The following RBFOX1 variants were observed in gnomAD, a reference collection of about 807,000 sequenced individuals.
The protein encoded by RBFOX1 is RNA binding protein fox-1 homolog 1.
In RBFOX1, 8 loss-of-function variants were observed where a neutral mutation model predicts 57.7. That is an observed-to-expected ratio of 0.14 (90% confidence interval 0.08 to 0.25). RBFOX1 has a LOEUF of 0.25. RBFOX1 is among the 10% of genes least tolerant of loss of function. The pLI is 1.00. For missense variants in RBFOX1, 611 were observed against 548.5 expected (o/e 1.11, Z -1.14); for synonymous variants, 326 against 222.4 (o/e 1.47, Z -4.15).
At chr16:7,158,075 G>A (rs986605115) in intron 4 of RBFOX1, among the ~76,000 whole-genome samples, 12 of 152,130 alleles carry the variant, frequency 7.9e-5, no homozygotes, top group South Asian at 2.1e-4. Flanking sequence ...TTGGCTGGGC[G>A]CGGTAGCTCA....
At chr16:7,251,623 T>A (rs1303462472) in intron 4 of RBFOX1, among the ~76,000 whole-genome samples, 1 of 152,134 alleles carries the variant, frequency 6.6e-6, no homozygotes, top group African/African-American at 2.4e-5. Flanking sequence ...TTTCACCATG[T>A]TGGCTTGCCT....
intron 4 of RBFOX1, among the ~76,000 whole-genome samples, chr16:5,918,144 G>C (rs1029013883): frequency 6.6e-6 from 1 of 152,020 alleles, no homozygotes; most frequent in African/African-American, 2.4e-5. Flanking sequence ...TTTTGAGACA[G>C]AGTCTTGTTT....
chr16:7,207,764 T>C (rs1247346114), intron 4 of RBFOX1, among the ~76,000 whole-genome samples: 1 of 152,162 alleles, frequency 6.6e-6, no homozygotes, highest in African/African-American at 2.4e-5. Context: ...AATTTGCCTG[T>C]TGCACCCAGT....
intron 1 of RBFOX1, among the ~76,000 whole-genome samples, chr16:6,115,639 C>T (rs2096489579): frequency 6.6e-6 from 1 of 152,108 alleles, no homozygotes; most frequent in African/African-American, 2.4e-5. Context: ...AGCTAGTGGT[C>T]AGCAAACTTT....
At chr16:7,410,995 G>C (rs1053690969) in intron 4 of RBFOX1, among the ~76,000 whole-genome samples, 2 of 152,014 alleles carry the variant, frequency 1.3e-5, no homozygotes, top group Admixed American at 6.6e-5. Context: ...ACCCAGGTTG[G>C]AGTACAGTGG....
chr16:6,089,891 A>G (rs1322942873), intron 1 of RBFOX1, among the ~76,000 whole-genome samples: 1 of 152,238 alleles, frequency 6.6e-6, no homozygotes, highest in Non-Finnish European at 1.5e-5. Context: ...TTAGTTTCCC[A>G]TGGCTGCTGT....
At chr16:5,819,623 C>T (rs576695231) in intron 3 of RBFOX1, among the ~76,000 whole-genome samples, 9 of 152,202 alleles carry the variant, frequency 5.9e-5, no homozygotes, top group Non-Finnish European at 8.8e-5. Flanking sequence ...GTTGTACTGA[C>T]GCTGGACTAC....
rs770451754 is a variant in RBFOX1, at chr16:6,788,453, T to A, written c.-16+133803T>A. On this transcript the variant is annotated intron_variant, in intron 3 of 15. Coordinates refer to ENST00000550418, the MANE Select transcript of RBFOX1 (RefSeq NM_018723.4). ...ACACAGGTGCTGCACTGATTTTTTT[T>A]TTATTATTATTTATTTATTTTTTAT... 1.9e-4 allele frequency among the ~76,000 whole-genome samples: 29 copies of A among 151,754 alleles called. 1 individual carries two copies. The highest frequency in any genetic ancestry group is 4.2e-4 in the South Asian group (2 of 4,802).
At chr16:7,680,239 G>T (rs1315773271) in intron 14 of RBFOX1, among the ~76,000 whole-genome samples, 1 of 152,176 alleles carries the variant, frequency 6.6e-6, no homozygotes, top group Non-Finnish European at 1.5e-5. Context: ...TGACTTGGTT[G>T]TTGTTGCATC....
At chr16:5,407,818 G>A (rs1370187664) in intron 1 of RBFOX1, among the ~76,000 whole-genome samples, 1 of 152,160 alleles carries the variant, frequency 6.6e-6, no homozygotes, top group African/African-American at 2.4e-5. Flanking sequence ...CAAAGTGCTG[G>A]GATTACAGGC....
In RBFOX1 at chr16:6,852,843, G is replaced by A. The variant is rs578076103; in HGVS notation, c.-16+198193G>A. 2.6e-5 allele frequency among the ~76,000 whole-genome samples: 4 copies of A among 151,532 alleles called. No individual in the cohort carries two copies. In the South Asian group the frequency reaches 8.4e-4, roughly 32 times the overall value. The stretch of plus-strand genomic sequence containing the variant: ...CTGGAAACTGCTTTCCAGGTGAGGT[G>A]CATGCTGGGAACTGCTGTCCAGGTG... On this transcript the variant is annotated intron_variant, in intron 3 of 15. Coordinates refer to ENST00000550418, the MANE Select transcript of RBFOX1 (RefSeq NM_018723.4).
intron 4 of RBFOX1, among the ~76,000 whole-genome samples, chr16:5,883,729 G>A (rs974209214): frequency 2.0e-5 from 3 of 151,936 alleles, no homozygotes; most frequent in South Asian, 2.1e-4. Context: ...GCTAAGCAGT[G>A]ATTTTTTTAA....
intron 2 of RBFOX1, among the ~76,000 whole-genome samples, chr16:6,552,281 G>A (rs1056753944): frequency 3.3e-5 from 5 of 152,100 alleles, no homozygotes; most frequent in African/African-American, 1.2e-4. Flanking sequence ...TTCTTTAAAA[G>A]GAAAGAGAAT....
chr16:5,481,800 C>T (rs1462688930), intron 2 of RBFOX1, among the ~76,000 whole-genome samples: 1 of 152,202 alleles, frequency 6.6e-6, no homozygotes, highest in Non-Finnish European at 1.5e-5. Context: ...AGCCCTCTCT[C>T]TGTGGCTTGT....
chr16:5,268,075 T>C (rs555315308), intron 1 of RBFOX1, among the ~76,000 whole-genome samples: 4 of 150,396 alleles, frequency 2.7e-5, no homozygotes, highest in African/African-American at 7.4e-5. Context: ...CGAGATTCCA[T>C]GTCAAAAAAA....
intron 1 of RBFOX1, among the ~76,000 whole-genome samples, chr16:6,133,725 G>C (rs1271156322): frequency 6.6e-6 from 1 of 152,130 alleles, no homozygotes; most frequent in Non-Finnish European, 1.5e-5. Flanking sequence ...ACACCTGGTA[G>C]TCAGGAAAGA....
chr16:5,975,054 T>C (rs2060034812), intron 4 of RBFOX1, among the ~76,000 whole-genome samples: 1 of 152,056 alleles, frequency 6.6e-6, no homozygotes, highest in African/African-American at 2.4e-5. Context: ...AAAACCAAAA[T>C]CACTTTAAAA....
At chr16:6,469,443 G>C (rs1319407768) in intron 2 of RBFOX1, among the ~76,000 whole-genome samples, 1 of 152,136 alleles carries the variant, frequency 6.6e-6, no homozygotes, top group African/African-American at 2.4e-5. Flanking sequence ...TTCCTTCGTT[G>C]ATTGAGCACC....
chr16:6,914,928 C>G (rs750245547), intron 3 of RBFOX1, among the ~76,000 whole-genome samples: 1 of 152,214 alleles, frequency 6.6e-6, no homozygotes, highest in African/African-American at 2.4e-5. Flanking sequence ...AGCCCTCACT[C>G]ACATAACTTT....
Sources: allele counts gnomAD v4.1 joint callset (sites outside exome capture counted in the v4.1 genomes callset), GRCh38; gene constraint gnomAD v4.1.1; transcripts MANE v1.5; gene names NCBI Gene and HGNC (gene_info 2026-07-23, HGNC 2026-07-21).